The following FAM168A variants were observed in gnomAD, a reference collection of about 807,000 sequenced individuals.
FAM168A encodes the protein protein FAM168A.
FAM168A carries 3 observed loss-of-function variants against 28.5 expected under a neutral mutation model. That is an observed-to-expected ratio of 0.11 (90% CI 0.05 to 0.27). The LOEUF (loss-of-function observed/expected upper bound fraction) is 0.27, where lower values mean the gene tolerates loss of function less well. FAM168A is among the 10% of genes least tolerant of loss of function. The pLI is 1.00. For missense variants in FAM168A, 222 were observed against 311.5 expected, an observed-to-expected ratio of 0.71 and a Z score of 2.16; for synonymous variants, 122 against 124.2, an observed-to-expected ratio of 0.98 and a Z score of 0.12.
chr11:73,530,057 G>A (rs1943497529), intron 1 of FAM168A, among the ~76,000 whole-genome samples: 1 of 151,958 alleles, frequency 6.6e-6, no homozygotes, highest in Non-Finnish European at 1.5e-5. Context: ...AAAGTGCCAG[G>A]ATTACAGGCA....
intron 1 of FAM168A, among the ~76,000 whole-genome samples, chr11:73,504,312 AAAAC>A (rs1461279437): frequency 6.6e-6 from 1 of 152,210 alleles, no homozygotes; most frequent in Non-Finnish European, 1.5e-5. Flanking sequence ...TTACAAGAAA[AAAAC>A]AAGCAACTCC....
At position 73,427,830 on chromosome 11, in the gene FAM168A, G is replaced by A. The variant is rs143788598; in HGVS notation, c.151+2860C>T. Reference sequence around the variant, plus strand: ...GAACATTATGAGAAAATAGCCCAGTGCTGGGGATGAGAGCCTGGACAAATT... The same window carrying A: ...GAACATTATGAGAAAATAGCCCAGTACTGGGGATGAGAGCCTGGACAAATT... On this transcript the variant is annotated intron_variant, in intron 3 of 7. Transcript: ENST00000356467. Among the ~76,000 whole-genome samples the A allele has an allele frequency of 1.9e-3, 288 of 152,278 alleles. 1 individual carries two copies. In the East Asian group the frequency reaches 0.019, roughly 10 times the overall value.
chr11:73,455,616 A>G (rs1490605884), intron 2 of FAM168A, among the ~76,000 whole-genome samples: 6 of 152,200 alleles, frequency 3.9e-5, no homozygotes, highest in Admixed American at 3.9e-4. Flanking sequence ...TGGAGAGTCT[A>G]TGGAGGTACC....
intron 1 of FAM168A, among the ~76,000 whole-genome samples, chr11:73,593,248 A>G (rs1345891591): frequency 6.6e-6 from 1 of 152,166 alleles, no homozygotes; most frequent in East Asian, 1.9e-4. Context: ...GGTACTAGAA[A>G]TCTCCTTTTT....
At chr11:73,503,858 C>CA in intron 1 of FAM168A, among the ~76,000 whole-genome samples, 1 of 152,306 alleles carries the variant, frequency 6.6e-6, no homozygotes, top group African/African-American at 2.4e-5. Context: ...CACACATCTA[C>CA]AAACATCTGA....
At chr11:73,518,891 T>C (rs1170513044) in intron 1 of FAM168A, among the ~76,000 whole-genome samples, 1 of 151,872 alleles carries the variant, frequency 6.6e-6, no homozygotes, top group East Asian at 1.9e-4. Context: ...AGTGAGACTG[T>C]CTCAAAAAAA....
chr11:73,587,508 G>T (rs1365096336), intron 1 of FAM168A, among the ~76,000 whole-genome samples: 1 of 151,442 alleles, frequency 6.6e-6, no homozygotes, highest in East Asian at 1.9e-4. Flanking sequence ...AAAAAAAAAG[G>T]AATCTTCTGG....
intron 1 of FAM168A, among the ~76,000 whole-genome samples, chr11:73,509,721 C>T (rs1489055861): frequency 6.6e-6 from 1 of 152,194 alleles, no homozygotes; most frequent in African/African-American, 2.4e-5. Flanking sequence ...AGCCTCCACT[C>T]TCCAGCACTT....
At chr11:73,413,433 CAA>C (rs1461648728) in intron 4 of FAM168A, among the ~76,000 whole-genome samples, 4 of 152,110 alleles carry the variant, frequency 2.6e-5, no homozygotes, top group Non-Finnish European at 4.4e-5. Context: ...GCAGATTTCT[CAA>C]AGTTTCTAGA....
chr11:73,543,262 CTTTTTTT>C (rs58715872), intron 1 of FAM168A, among the ~76,000 whole-genome samples: 6 of 111,854 alleles, frequency 5.4e-5, no homozygotes, highest in Non-Finnish European at 8.9e-5. Context: ...ATTAATTGTT[CTTTTTTT>C]TTTTTTTTTT....
At chr11:73,508,865 A>G (rs1335317483) in intron 1 of FAM168A, among the ~76,000 whole-genome samples, 1 of 152,194 alleles carries the variant, frequency 6.6e-6, no homozygotes, top group Non-Finnish European at 1.5e-5. Flanking sequence ...GTTTGTGCGT[A>G]TATGTTGAAT....
chr11:73,455,653 G>A (rs1867518106), intron 2 of FAM168A, among the ~76,000 whole-genome samples: 1 of 152,172 alleles, frequency 6.6e-6, no homozygotes, highest in Non-Finnish European at 1.5e-5. Context: ...CAATCACTGT[G>A]TGTATGAGTC....
At chr11:73,452,160 C>T (rs897049497) in intron 2 of FAM168A, 1 of 152,270 alleles carries the variant, frequency 6.6e-6, no homozygotes, top group Non-Finnish European at 1.5e-5. Flanking sequence ...GCCACACCCA[C>T]TCCTTTACAT....
intron 5 of FAM168A, chr11:73,410,660 TAAAAAA>T (rs575015817): frequency 6.6e-6 from 1 of 151,956 alleles, no homozygotes; most frequent in African/African-American, 2.4e-5. Flanking sequence ...TAAATGAGAT[TAAAAAA>T]AATAAAACAA....
At chr11:73,484,613 T>TAG (rs1475411850) in intron 1 of FAM168A, among the ~76,000 whole-genome samples, 2 of 142,364 alleles carry the variant, frequency 1.4e-5, no homozygotes, top group South Asian at 2.1e-4. Flanking sequence ...TATATCGATA[T>TAG]ATATCTATAT....
chr11:73,461,716 G>C (rs576512836), intron 2 of FAM168A, among the ~76,000 whole-genome samples: 48 of 152,276 alleles, frequency 3.2e-4, no homozygotes, highest in African/African-American at 1.1e-3. Context: ...AAATTTTCAA[G>C]AGAGAAAAAC....
At chr11:73,497,335 C>T (rs1262301266) in intron 1 of FAM168A, among the ~76,000 whole-genome samples, 5 of 151,916 alleles carry the variant, frequency 3.3e-5, no homozygotes, top group Admixed American at 6.6e-5. Context: ...TGTGGTGGCG[C>T]GCGCCTGTAG....
chr11:73,548,725 T>G (rs1272132068), intron 1 of FAM168A, among the ~76,000 whole-genome samples: 1 of 152,100 alleles, frequency 6.6e-6, no homozygotes, highest in East Asian at 1.9e-4. Flanking sequence ...ACTGCAGCCT[T>G]GACTTCCTGG....
rs79351814 is a variant in FAM168A, at chr11:73,468,628, C to T, written c.-18-136G>A. On this transcript the variant is annotated intron_variant, in intron 1 of 7. Coordinates refer to ENST00000356467, the MANE Select transcript of FAM168A (RefSeq NM_015159.3). ...GTGGAAAGAAGACTAAACAAAAAAG[C>T]CAATTTGCTTGTAGTTGGCCCTATG... 0.012 allele frequency: 8,140 copies of T among 673,564 alleles called. 533 individuals are homozygous for T. The African/African-American group carries it at 0.13, about 11-fold the overall frequency. 41.7% of individuals were successfully genotyped at this position (673,564 alleles called of 1,614,324 possible).
Sources: allele counts gnomAD v4.1 joint callset (sites outside exome capture counted in the v4.1 genomes callset), GRCh38; gene constraint gnomAD v4.1.1; transcripts MANE v1.5; gene names NCBI Gene and HGNC (gene_info 2026-07-23, HGNC 2026-07-21).